Variants in IGF2BP1 observed in about 807,000 individuals in gnomAD.
IGF2BP1 encodes insulin-like growth factor 2 mRNA-binding protein 1.
In IGF2BP1, 11 loss-of-function variants were observed where a neutral mutation model predicts 74.9. The ratio of observed to expected loss-of-function variants is 0.15; its 90% CI spans 0.09 to 0.24. The LOEUF is 0.24. IGF2BP1 is among the 10% of genes least tolerant of loss of function. IGF2BP1 has a pLI of 1.00. For synonymous variants in IGF2BP1, 287 were observed against 281.8 expected (o/e 1.02, Z -0.18); for missense variants, 440 against 757.4 (o/e 0.58, Z 4.92).
At chr17:49,006,945 A>G (rs2041557589) in intron 2 of IGF2BP1, among the ~76,000 whole-genome samples, 1 of 152,152 alleles carries the variant, frequency 6.6e-6, no homozygotes, top group African/African-American at 2.4e-5. Flanking sequence ...GAAACAGGCC[A>G]TTTATTCTGT....
chr17:49,043,608 G>A, intron 10 of IGF2BP1, 58 bp downstream of exon 10: 2 of 1,588,738 alleles, frequency 1.3e-6, no homozygotes, highest in Non-Finnish European at 1.7e-6. Flanking sequence ...CTCCCTTAAG[G>A]GGGACTCAGC....
In IGF2BP1 at chr17:49,032,577, C is replaced by T. The variant is rs530082812; in HGVS notation, c.401+604C>T. Among the ~76,000 whole-genome samples the T allele has an allele frequency of 2.8e-4, 43 of 152,252 alleles. No homozygotes were observed. The South Asian group carries it at 7.7e-3, about 27-fold the overall frequency. On this transcript the variant is annotated intron_variant, in intron 5 of 14. Transcript: ENST00000290341. The stretch of plus-strand genomic sequence containing the variant: ...CGCATTACTCATTTATATTAATATC[C>T]GAGCCCGTTATAGGCTTTTGCCACA...
chr17:49,029,795 T>A (rs898009708), intron 4 of IGF2BP1, among the ~76,000 whole-genome samples: 6 of 130,182 alleles, frequency 4.6e-5, no homozygotes, highest in African/African-American at 1.2e-4. Context: ...ACCCGGCTGA[T>A]TTTTTTTTTT....
intron 4 of IGF2BP1, among the ~76,000 whole-genome samples, chr17:49,029,071 C>G (rs948587992): frequency 6.6e-6 from 1 of 152,180 alleles, no homozygotes; most frequent in African/African-American, 2.4e-5. Context: ...TCCCAAAATG[C>G]TGGGATTACA....
intron 2 of IGF2BP1, among the ~76,000 whole-genome samples, chr17:49,009,905 C>T (rs2041595781): frequency 6.6e-6 from 1 of 151,962 alleles, no homozygotes; most frequent in South Asian, 2.1e-4. Context: ...CATGGTGAAA[C>T]CCTGTCTCTA....
chr17:49,015,846 A>G (rs959451423), intron 2 of IGF2BP1, among the ~76,000 whole-genome samples: 2 of 152,138 alleles, frequency 1.3e-5, no homozygotes, highest in African/African-American at 4.8e-5. Context: ...TGAGCAAAGT[A>G]TTCATGCTGA....
In IGF2BP1 at chr17:49,044,097, C is replaced by T. The variant is rs749866777; in HGVS notation, c.1320+11C>T. The stretch of plus-strand genomic sequence containing the variant: ...AGCGCCTCCATCAAGGTGATCTGCT[C>T]TGTGGGTCTTCCTGTTTCTGGAAAG... On this transcript the variant is annotated intron_variant, in intron 11 of 14. Coordinates refer to ENST00000290341, the MANE Select transcript of IGF2BP1 (RefSeq NM_006546.4). The T allele has an allele frequency of 1.3e-5, 21 of 1,612,750 alleles. No individual in the cohort carries two copies. Among genetic ancestry groups the T allele is most frequent in the Middle Eastern group, 1.6e-4 (1 of 6,076 alleles).
At chr17:49,030,417 C>CGTAA (rs2041909179) in intron 4 of IGF2BP1, among the ~76,000 whole-genome samples, 1 of 152,014 alleles carries the variant, frequency 6.6e-6, no homozygotes, top group African/African-American at 2.4e-5. Context: ...GCTGGGATTA[C>CGTAA]AGGCGTGAGC....
At chr17:49,002,637 G>A (rs530220935) in intron 2 of IGF2BP1, among the ~76,000 whole-genome samples, 6 of 151,004 alleles carry the variant, frequency 4.0e-5, no homozygotes, top group South Asian at 4.2e-4. Flanking sequence ...CAACATGGAA[G>A]TTTAAAGTAG....
intron 4 of IGF2BP1, among the ~76,000 whole-genome samples, chr17:49,030,116 A>G (rs2041905544): frequency 6.9e-6 from 1 of 145,396 alleles, no homozygotes; most frequent in Non-Finnish European, 1.5e-5. Context: ...TTCTACAGCC[A>G]TTCCTGTCAG....
intron 2 of IGF2BP1, 30 bp downstream of exon 2, chr17:48,999,199 G>A (rs768520773): frequency 3.3e-6 from 2 of 606,120 alleles, no homozygotes; most frequent in Admixed American, 2.4e-5. Context: ...GGGGGGGGTG[G>A]GGGGGCCGCG....
intron 7 of IGF2BP1, among the ~76,000 whole-genome samples, chr17:49,040,458 C>G (rs1279279004): frequency 6.6e-6 from 1 of 152,176 alleles, no homozygotes; most frequent in South Asian, 2.1e-4. Context: ...CTCAAGTGAC[C>G]CACCCAGCTC....
At chr17:49,000,131 T>C (rs1307375363) in intron 2 of IGF2BP1, among the ~76,000 whole-genome samples, 2 of 152,106 alleles carry the variant, frequency 1.3e-5, no homozygotes, top group African/African-American at 2.4e-5. Context: ...CTTTCTCAAA[T>C]CAGACTTTAA....
In IGF2BP1 at chr17:49,051,601, G is replaced by A. The variant is rs931947663; in HGVS notation, c.*2157G>A. 2 of 152,160 alleles carry A rather than the reference G, an allele frequency of 1.3e-5. No individual in the cohort carries two copies. The highest frequency in any genetic ancestry group is 2.9e-5 in the Non-Finnish European group (2 of 68,032). The allele number at this position is 152,160 out of a possible 1,614,324, so 9.4% of individuals were successfully genotyped here. A position where few individuals can be genotyped will look rare whatever the true frequency, so the allele number is the denominator to read the frequency against. On this transcript the variant is annotated 3_prime_UTR_variant, in exon 15 of 15. Coordinates refer to ENST00000290341, the MANE Select transcript of IGF2BP1 (RefSeq NM_006546.4). The stretch of plus-strand genomic sequence containing the variant: ...TTGGTCTCCTCTCTTTCCTCCTTTG[G>A]TTAAAGAGCATCTCAGCCAGCTTTT...
intron 2 of IGF2BP1, among the ~76,000 whole-genome samples, chr17:49,025,003 C>T (rs982208758): frequency 6.6e-6 from 1 of 152,050 alleles, no homozygotes; most frequent in Admixed American, 6.6e-5. Context: ...ACCAGCCTGA[C>T]CAATATGGTG....
rs2041420368 is a variant in IGF2BP1 at position 48,997,486 on chromosome 17, G to A, written c.-260G>A. ...CTCTCGGAGGGGTTTCGGACCGAAG[G>A]GAAGAAGCTGCGCCGTGTCGTCCGT... On this transcript the variant is annotated 5_prime_UTR_variant, in exon 1 of 15. Transcript: ENST00000290341. The surrounding 1 kb of genome is among the most constrained non-coding windows in gnomAD (Gnocchi z 4.8). 2.4e-6 allele frequency: 1 copy of A among 425,284 alleles called. No individual in the cohort carries two copies. The highest frequency in any genetic ancestry group is 2.1e-5 in the African/African-American group (1 of 47,942). 26.3% of individuals were successfully genotyped at this position (425,284 alleles called of 1,614,324 possible).
chr17:49,037,372 G>T, intron 5 of IGF2BP1: 2 of 502,296 alleles, frequency 4.0e-6, no homozygotes, highest in South Asian at 4.3e-5. Context: ...AAGGAAGGAA[G>T]AATTCAGAAA....
At chr17:49,047,716 T>C (rs1044121826) in intron 14 of IGF2BP1, among the ~76,000 whole-genome samples, 1 of 94,770 alleles carries the variant, frequency 1.1e-5, no homozygotes, top group Non-Finnish European at 2.3e-5. Flanking sequence ...AACTTCCTCT[T>C]TTTTTTTTTT....
chr17:49,038,528 T>G, intron 6 of IGF2BP1, 79 bp downstream of exon 6: 1 of 1,329,894 alleles, frequency 7.5e-7, no homozygotes, highest in Non-Finnish European at 9.9e-7. Context: ...CCTGGAAGCA[T>G]GCTGGAGACA....
Sources: allele counts gnomAD v4.1 joint callset (sites outside exome capture counted in the v4.1 genomes callset), GRCh38; gene constraint gnomAD v4.1.1; non-coding constraint Gnocchi (gnomAD v3.1); transcripts MANE v1.5; gene names NCBI Gene and HGNC (gene_info 2026-07-23, HGNC 2026-07-21).